Variants in ATP2C1 observed in about 807,000 individuals in gnomAD.
ATP2C1 encodes calcium-transporting ATPase type 2C member 1.
Under a neutral mutation model 120.5 loss-of-function variants are expected in ATP2C1, and 31 were observed. That is an observed-to-expected ratio of 0.26 (90% CI 0.19 to 0.35). The LOEUF (loss-of-function observed/expected upper bound fraction) is 0.35, where lower values mean the gene tolerates loss of function less well. Among genes scored for constraint, ATP2C1 ranks in the 10% least tolerant of loss-of-function variants. ATP2C1 has a pLI of 1.00. For missense variants in ATP2C1, 731 were observed against 1,107.5 expected (o/e 0.66, Z 4.83); for synonymous variants, 351 against 358.7 (o/e 0.98, Z 0.24).
intron 8 of ATP2C1, among the ~76,000 whole-genome samples, chr3:130,951,339 A>G (rs1182229792): frequency 2.0e-5 from 3 of 152,166 alleles, no homozygotes; most frequent in Admixed American, 1.3e-4. Flanking sequence ...ATAACGTTGG[A>G]TGAGTTACTT....
At chr3:130,902,297 G>GTTTTT (rs398052267) in intron 2 of ATP2C1, among the ~76,000 whole-genome samples, 26 of 13,252 alleles carry the variant, frequency 2.0e-3, no homozygotes, top group African/African-American at 5.4e-3. Flanking sequence ...TTTTTTTTTT[G>GTTTTT]TTTTTTTTTT....
At chr3:131,004,562 A>C (rs1359912553), downstream of ATP2C1, among the ~76,000 whole-genome samples, 1 of 152,280 alleles carries the variant, frequency 6.6e-6, no homozygotes, top group Non-Finnish European at 1.5e-5. Flanking sequence ...GTTTTCAGTC[A>C]GTTCTGGAGA....
At chr3:130,994,138 C>T (rs201939125) in intron 22 of ATP2C1, 40 bp downstream of exon 22, 1 of 1,609,890 alleles carries the variant, frequency 6.2e-7, no homozygotes, top group East Asian at 2.2e-5. Context: ...GAGAATCTTC[C>T]CCTATCCTTT....
chr3:130,970,104 G>T (rs992724096), intron 17 of ATP2C1, among the ~76,000 whole-genome samples: 2 of 152,146 alleles, frequency 1.3e-5, no homozygotes, highest in African/African-American at 4.8e-5. Context: ...GATCACCTGA[G>T]GTCAGGAGTT....
At chr3:130,866,078 A>T (rs1244382272) in intron 1 of ATP2C1, among the ~76,000 whole-genome samples, 1 of 152,194 alleles carries the variant, frequency 6.6e-6, no homozygotes, top group Admixed American at 6.5e-5. Context: ...ATTATCCTTA[A>T]ATGTAAGCAG....
Position 130,894,268 on chromosome 3 carries a change from GCGCGGGGCGCCCCCGCGAGCCC to G in ATP2C1, c.-244_-223del. On this transcript the variant is annotated 5_prime_UTR_variant, in exon 1 of 28. Transcript: ENST00000510168. The surrounding 1 kb of genome is among the most constrained non-coding windows in gnomAD (Gnocchi z 4.5). ...CGAGCAGCTCCTCTTCTCCCGAGGC[GCGCGGGGCGCCCCCGCGAGCCC>G]CGCGGCTGAGACCCCGCAGCCTGGA... is the stretch of plus-strand genomic sequence containing the variant. 1.0e-6 allele frequency: 1 copy of G among 985,778 alleles called. No homozygotes were observed. Among genetic ancestry groups the G allele is most frequent in the Non-Finnish European group, 1.2e-6 (1 of 830,304 alleles). 61.1% of individuals were successfully genotyped at this position (985,778 alleles called of 1,614,324 possible).
At chr3:130,878,756 C>T (rs1028534735) in intron 1 of ATP2C1, among the ~76,000 whole-genome samples, 3 of 152,282 alleles carry the variant, frequency 2.0e-5, no homozygotes, top group Admixed American at 1.3e-4. Context: ...TGCTATTATT[C>T]TGATGGGGAT....
chr3:130,900,483 C>A (rs566774349), intron 2 of ATP2C1, among the ~76,000 whole-genome samples: 1 of 151,990 alleles, frequency 6.6e-6, no homozygotes, highest in Non-Finnish European at 1.5e-5. Context: ...AAAAGCAGGA[C>A]CCTAAATAAT....
At chr3:130,869,985 C>A (rs571398880) in intron 1 of ATP2C1, among the ~76,000 whole-genome samples, 1 of 152,296 alleles carries the variant, frequency 6.6e-6, no homozygotes, top group South Asian at 2.1e-4. Context: ...TGTTTGGAAC[C>A]AGTACAGCTG....
Position 130,980,569 on chromosome 3 carries a change from TC to T in ATP2C1, c.1742-12del, listed in dbSNP as rs1443474683. The T allele has an allele frequency of 6.2e-7, 1 of 1,602,070 alleles. No homozygotes were observed. Among genetic ancestry groups the T allele is most frequent in the Admixed American group, 1.7e-5 (1 of 59,916 alleles). ...AATTTGGTTTATTACATTTTCTCTC[TC>T]ATTTGCTTTAGCCAGTCGTCTGGGA... On this transcript the variant is annotated splice_polypyrimidine_tract_variant and intron_variant, in intron 19 of 27. Coordinates refer to ENST00000510168, the MANE Select transcript of ATP2C1 (RefSeq NM_001378687.1).
At chr3:130,961,387 G>T (rs1448697816) in intron 12 of ATP2C1, among the ~76,000 whole-genome samples, 1 of 151,526 alleles carries the variant, frequency 6.6e-6, no homozygotes, top group Non-Finnish European at 1.5e-5. Context: ...ATTCTGTTTT[G>T]CAGTATGGAT....
At chr3:130,875,202 T>C (rs1455916417) in intron 1 of ATP2C1, among the ~76,000 whole-genome samples, 1 of 152,216 alleles carries the variant, frequency 6.6e-6, no homozygotes, top group Admixed American at 6.5e-5. Flanking sequence ...CATCCCACAG[T>C]GCTATAAAAC....
chr3:130,959,715 A>T (rs1212226243), intron 12 of ATP2C1: 1 of 156,988 alleles, frequency 6.4e-6, no homozygotes, highest in African/African-American at 2.4e-5. Context: ...CAAATTTAAA[A>T]ACCAAGTGTT....
chr3:130,999,325 CTACTTTAATATT>C (rs1389187208), intron 26 of ATP2C1, among the ~76,000 whole-genome samples, 181 bp from the exon 27 acceptor site: 1 of 152,084 alleles, frequency 6.6e-6, no homozygotes, highest in Non-Finnish European at 1.5e-5. Context: ...AAAATAAAAG[CTACTTTAATATT>C]TACTTTTATT....
At chr3:130,933,892 G>A (rs535288845) in intron 4 of ATP2C1, among the ~76,000 whole-genome samples, 2 of 152,150 alleles carry the variant, frequency 1.3e-5, no homozygotes, top group African/African-American at 4.8e-5. Flanking sequence ...GGGGCTTTCT[G>A]GTGGGATGGA....
chr3:130,942,667 C>T (rs1053101438), intron 8 of ATP2C1, among the ~76,000 whole-genome samples: 1 of 152,180 alleles, frequency 6.6e-6, no homozygotes, highest in Non-Finnish European at 1.5e-5. Context: ...TAGAAAGCTA[C>T]TGGATTGCTT....
chr3:130,922,175 G>A (rs1460447575), intron 2 of ATP2C1, among the ~76,000 whole-genome samples: 1 of 152,040 alleles, frequency 6.6e-6, no homozygotes, highest in Non-Finnish European at 1.5e-5. Flanking sequence ...GTATCTTCCT[G>A]ATTTAATCTA....
intron 2 of ATP2C1, among the ~76,000 whole-genome samples, chr3:130,926,070 A>G (rs1327905635): frequency 6.6e-6 from 1 of 152,208 alleles, no homozygotes; most frequent in Non-Finnish European, 1.5e-5. Flanking sequence ...TTGAGAAAGC[A>G]AATGGACTCA....
rs1245305454 is a variant in ATP2C1 at position 130,996,716 on chromosome 3, A to G, written c.2163A>G (p.Thr721=). The G allele has an allele frequency of 9.3e-6, 15 of 1,612,436 alleles. No homozygotes were observed. The highest frequency in any genetic ancestry group is 1.7e-5 in the Admixed American group (1 of 60,020). ...IAALTLISLA[T]LMNFPNPLNA... ...CATTAACTTTAATCTCATTGGCTAC[A>G]TTAATGAACTTTCCTAATCCTCTCA... The change falls in exon 24 of 28, where the codon ACA becomes ACG. Residue 721 remains threonine (T), a synonymous_variant. Coordinates refer to ENST00000510168, the MANE Select transcript of ATP2C1 (RefSeq NM_001378687.1).
Sources: allele counts gnomAD v4.1 joint callset (sites outside exome capture counted in the v4.1 genomes callset), GRCh38; gene constraint gnomAD v4.1.1; non-coding constraint Gnocchi (gnomAD v3.1); transcripts MANE v1.5; gene names NCBI Gene and HGNC (gene_info 2026-07-23, HGNC 2026-07-21).